Variants in ASPH observed in about 807,000 individuals in gnomAD.
ASPH encodes the protein aspartyl/asparaginyl beta-hydroxylase.
A neutral mutation model predicts 118.4 loss-of-function variants in ASPH; 100 were observed. That is an observed-to-expected ratio of 0.84 (90% CI 0.72 to 1.00). The LOEUF is 1.00. ASPH is among the 50% of genes least tolerant of loss of function. The pLI is 0.00. For synonymous variants in ASPH, 315 were observed against 325.6 expected (o/e 0.97, Z 0.35); for missense variants, 920 against 919.5 (o/e 1.00, Z -0.01).
At chr8:61,628,825 A>G (rs895448918) in intron 13 of ASPH, among the ~76,000 whole-genome samples, 10 of 152,290 alleles carry the variant, frequency 6.6e-5, no homozygotes, top group Admixed American at 5.9e-4. Context: ...CAACATTGTC[A>G]ATCATGTATC....
At chr8:61,614,641 G>C (rs1264367686) in intron 14 of ASPH, among the ~76,000 whole-genome samples, 1 of 151,894 alleles carries the variant, frequency 6.6e-6, no homozygotes, top group Non-Finnish European at 1.5e-5. Flanking sequence ...CTACGTGTTG[G>C]GTTTTTGTTG....
At chr8:61,702,030 C>T (rs772677084) in intron 1 of ASPH, among the ~76,000 whole-genome samples, 2 of 152,154 alleles carry the variant, frequency 1.3e-5, no homozygotes, top group African/African-American at 2.4e-5. Flanking sequence ...TAAAACCATA[C>T]ACAACTTTTT....
At chr8:61,509,565 G>C (rs1808014808) in intron 24 of ASPH, among the ~76,000 whole-genome samples, 1 of 152,164 alleles carries the variant, frequency 6.6e-6, no homozygotes, top group Non-Finnish European at 1.5e-5. Context: ...AGGTCTGTAT[G>C]ACCTGTATCT....
intron 4 of ASPH, 33 bp downstream of exon 4, chr8:61,653,535 C>G: frequency 6.2e-7 from 1 of 1,604,650 alleles, no homozygotes; most frequent in African/African-American, 1.3e-5. Flanking sequence ...TCTGGCACAC[C>G]TGGGCGAGAC....
At chr8:61,706,931 C>T (rs1836841995) in intron 1 of ASPH, among the ~76,000 whole-genome samples, 1 of 152,150 alleles carries the variant, frequency 6.6e-6, no homozygotes, top group African/African-American at 2.4e-5. Flanking sequence ...AAAAACAATA[C>T]TGAATTAGAT....
chr8:61,634,422 ATTT>A (rs35760873), intron 12 of ASPH, among the ~76,000 whole-genome samples: 123,073 of 151,910 alleles, frequency 0.81, 49,949 homozygotes, highest in Middle Eastern at 0.85. Context: ...CAAAAGAAAG[ATTT>A]TTTTAACAGT....
At chr8:61,639,524 C>T (rs1208673450) in intron 10 of ASPH, among the ~76,000 whole-genome samples, 1 of 152,088 alleles carries the variant, frequency 6.6e-6, no homozygotes, top group African/African-American at 2.4e-5. Flanking sequence ...TCGTTTCTCC[C>T]ACTCAATCTT....
Position 61,562,856 on chromosome 8 carries a change from G to C in ASPH, c.1325C>G (p.Thr442Ser). 6.2e-7 allele frequency: 1 copy of C among 1,607,976 alleles called. No individual in the cohort carries two copies. The highest frequency in any genetic ancestry group is 8.5e-7 in the Non-Finnish European group (1 of 1,177,930). ...FLGHMRGSLL[T>S]LQRLVQLFPN... ...AAATAGTTGAACTAATCTCTGCAGG[G>C]TAAGCAGGGAACCTCTCATATGACC... The change falls in exon 18 of 25, where the codon ACC becomes AGC. Residue 442 changes from threonine (T) to serine (S), a missense_variant. Thr to Ser is a moderately conservative substitution (Grantham distance 58, BLOSUM62 1). Coordinates refer to ENST00000379454, the MANE Select transcript of ASPH (RefSeq NM_004318.4).
intron 12 of ASPH, among the ~76,000 whole-genome samples, chr8:61,637,388 G>A (rs557825422): frequency 1.4e-4 from 21 of 152,234 alleles, no homozygotes; most frequent in East Asian, 5.8e-4. Flanking sequence ...TGCCTACTAC[G>A]AGGAGCAACT....
intron 21 of ASPH, among the ~76,000 whole-genome samples, chr8:61,538,169 T>A (rs999511691): frequency 1.3e-5 from 2 of 152,176 alleles, no homozygotes; most frequent in African/African-American, 4.8e-5. Context: ...CTCAGATGGG[T>A]AAAAGGACTT....
At chr8:61,568,194 C>A (rs1041480939) in intron 16 of ASPH, among the ~76,000 whole-genome samples, 3 of 152,044 alleles carry the variant, frequency 2.0e-5, no homozygotes, top group African/African-American at 4.8e-5. Context: ...ATGGTGGCAG[C>A]CGTATGGAGA....
intron 13 of ASPH, among the ~76,000 whole-genome samples, chr8:61,619,507 T>C (rs1564032847): frequency 6.6e-6 from 1 of 152,208 alleles, no homozygotes; most frequent in Non-Finnish European, 1.5e-5. Context: ...TATACACAGA[T>C]GATCCATTGG....
intron 13 of ASPH, among the ~76,000 whole-genome samples, chr8:61,619,872 C>T (rs906628524): frequency 6.6e-6 from 1 of 152,080 alleles, no homozygotes; most frequent in Non-Finnish European, 1.5e-5. Context: ...GTCGTATGCA[C>T]ATAGGTTGGA....
chr8:61,510,734 C>T (rs990693760), intron 24 of ASPH, among the ~76,000 whole-genome samples: 1 of 152,082 alleles, frequency 6.6e-6, no homozygotes, highest in African/African-American at 2.4e-5. Flanking sequence ...CCAAGTTGCT[C>T]AAATGAAAGA....
chr8:61,653,597 T>G lies in ASPH; in HGVS notation c.386A>C (p.Glu129Ala). 6.2e-7 allele frequency: 1 copy of G among 1,613,980 alleles called. No individual in the cohort carries two copies. The highest frequency in any genetic ancestry group is 8.5e-7 in the Non-Finnish European group (1 of 1,179,990). Residue 129 changes from glutamate to alanine, a missense_variant, in exon 4 of 25, where the codon GAG becomes GCG. Transcript: ENST00000379454. ...VPPEEAEPHTEPEEQVPVEAE... is the reference protein window; with the variant it reads ...VPPEEAEPHTAPEEQVPVEAE... ...CTCCACAGGAACCTGCTCCTCGGGC[T>G]CAGTGTGTGGCTCAGCCTCTTCTGG...
In ASPH at chr8:61,639,847, C is replaced by T. The variant is rs149413333; in HGVS notation, c.791-1484G>A. Among the ~76,000 whole-genome samples the T allele has an allele frequency of 2.0e-5, 3 of 152,300 alleles. No homozygotes were observed. In the East Asian group the frequency reaches 5.8e-4, roughly 29 times the overall value. On this transcript the variant is annotated intron_variant, in intron 10 of 24. Transcript: ENST00000379454. ...CCGTGCTTGACTCCAGTCTCTCCCA[C>T]GTTAGGAAAAGAGCACCCCCTGTCA...
At position 61,606,299 on chromosome 8, in the gene ASPH, C is replaced by T. The variant is rs1845562452; in HGVS notation, c.976+12679G>A. Among the ~76,000 whole-genome samples the T allele has an allele frequency of 3.9e-5, 6 of 152,278 alleles. No homozygotes were observed. The South Asian group carries it at 1.2e-3, about 32-fold the overall frequency. On this transcript the variant is annotated intron_variant, in intron 14 of 24. Transcript: ENST00000379454. ...CTGAATGACATTAGTAATAACATCA[C>T]TACTATGATGATATAAATGCACAAG...
intron 18 of ASPH, among the ~76,000 whole-genome samples, chr8:61,557,795 C>T (rs1828418630): frequency 6.6e-6 from 1 of 152,224 alleles, no homozygotes; most frequent in South Asian, 2.1e-4. Flanking sequence ...CCAGATCCTG[C>T]TTCTCTGCAG....
rs1751552280 is a variant in ASPH, at chr8:61,665,188, G to A, written c.323-11528C>T. The A allele has an allele frequency of 5.3e-6, 8 of 1,519,070 alleles. No homozygotes were observed. In the South Asian group the frequency reaches 1.1e-4, roughly 21 times the overall value. 94.1% of individuals were successfully genotyped at this position (1,519,070 alleles called of 1,614,324 possible). ...ATCAGAGCAATATTACATTTTCCAT[G>A]CTTTTTTGTAACAAACTGCAATCTG... On this transcript the variant is annotated intron_variant, in intron 3 of 24. Coordinates refer to ENST00000379454, the MANE Select transcript of ASPH (RefSeq NM_004318.4).
Sources: gnomAD v4.1 joint callset for allele counts (sites outside exome capture counted in the v4.1 genomes callset) on GRCh38, gnomAD v4.1.1 for gene constraint, MANE v1.5 for transcripts, NCBI Gene and HGNC (gene_info 2026-07-23, HGNC 2026-07-21) for gene names.